B3GLCT: variants seen among roughly 807,000 people sequenced by gnomAD.
B3GLCT encodes the protein beta-1,3-glucosyltransferase.
B3GLCT carries 65 observed loss-of-function variants against 63.4 expected under a neutral mutation model. The ratio of observed to expected loss-of-function variants is 1.03; its 90% CI spans 0.84 to 1.26. The LOEUF is 1.26. Ranked by LOEUF, B3GLCT falls within the 50% of genes most tolerant of loss-of-function variation. The pLI, the probability that B3GLCT is intolerant of heterozygous loss-of-function variation, is 0.00. For missense variants in B3GLCT, 577 were observed against 604.8 expected, an observed-to-expected ratio of 0.95 and a Z score of 0.48; for synonymous variants, 233 against 219.2, an observed-to-expected ratio of 1.06 and a Z score of -0.55.
chr13:31,298,747 A>G (rs1281600505), intron 12 of B3GLCT, among the ~76,000 whole-genome samples: 1 of 152,188 alleles, frequency 6.6e-6, no homozygotes, highest in Admixed American at 6.5e-5. Flanking sequence ...GCCTACTCCC[A>G]TGCAGATAGG....
At chr13:31,206,359 A>C (rs763255989) in intron 1 of B3GLCT, among the ~76,000 whole-genome samples, 1 of 152,204 alleles carries the variant, frequency 6.6e-6, no homozygotes, top group Non-Finnish European at 1.5e-5. Context: ...CTGTGAAGCC[A>C]GGTGTGAGAA....
At chr13:31,282,237 A>G (rs979478430) in intron 10 of B3GLCT, among the ~76,000 whole-genome samples, 1 of 152,224 alleles carries the variant, frequency 6.6e-6, no homozygotes, top group Non-Finnish European at 1.5e-5. Context: ...AATGATGCTA[A>G]TAAAATAGAC....
At chr13:31,256,333 G>C (rs986479676) in intron 6 of B3GLCT, among the ~76,000 whole-genome samples, 4 of 152,216 alleles carry the variant, frequency 2.6e-5, no homozygotes, top group Non-Finnish European at 4.4e-5. Context: ...GTTGGTGGGA[G>C]TGTAAATTAG....
At chr13:31,268,776 A>G (rs980482910) in intron 7 of B3GLCT, among the ~76,000 whole-genome samples, 1 of 152,242 alleles carries the variant, frequency 6.6e-6, no homozygotes, top group Non-Finnish European at 1.5e-5. Flanking sequence ...GACTTGAAAT[A>G]AAACAAAACC....
chr13:31,213,683 G>T (rs1219635893), intron 1 of B3GLCT, among the ~76,000 whole-genome samples: 1 of 127,464 alleles, frequency 7.8e-6, no homozygotes, highest in Admixed American at 1.1e-4. Flanking sequence ...CTTATAATCA[G>T]CTGACATGTA....
chr13:31,203,604 CA>C (rs1868792957), intron 1 of B3GLCT, among the ~76,000 whole-genome samples: 1 of 152,190 alleles, frequency 6.6e-6, no homozygotes, highest in Admixed American at 6.5e-5. Flanking sequence ...AGCAAGCAAG[CA>C]TAATTTTTAG....
At chr13:31,312,545 A>G (rs1336158696) in intron 12 of B3GLCT, 1 of 152,248 alleles carries the variant, frequency 6.6e-6, no homozygotes, top group Non-Finnish European at 1.5e-5. Flanking sequence ...CAAATTTAGT[A>G]CAAGAAAGAG....
At chr13:31,275,754 G>C (rs766549324) in intron 9 of B3GLCT, among the ~76,000 whole-genome samples, 1 of 152,048 alleles carries the variant, frequency 6.6e-6, no homozygotes, top group Non-Finnish European at 1.5e-5. Flanking sequence ...ACACAAGTCT[G>C]TGTGTGCCAT....
chr13:31,219,746 A>G (rs1869729978), intron 2 of B3GLCT, among the ~76,000 whole-genome samples: 1 of 152,212 alleles, frequency 6.6e-6, no homozygotes, highest in Admixed American at 6.5e-5. Context: ...TTTACCTGAT[A>G]AGACAAGAAC....
chr13:31,244,096 C>G (rs768033007), intron 4 of B3GLCT, among the ~76,000 whole-genome samples: 2 of 152,200 alleles, frequency 1.3e-5, no homozygotes, highest in South Asian at 4.1e-4. Flanking sequence ...TGTCTTTATT[C>G]CAGACAGCTC....
At chr13:31,286,659 A>G in intron 11 of B3GLCT, 61 bp from the exon 12 acceptor site, 1 of 1,171,832 alleles carries the variant, frequency 8.5e-7, no homozygotes, top group Non-Finnish European at 1.2e-6. Context: ...AAAGAAATGA[A>G]CAAATTCTAT....
chr13:31,246,936 C>CTT (rs1871215109), intron 4 of B3GLCT, 87 bp from the exon 5 acceptor site: 2 of 978,620 alleles, frequency 2.0e-6, no homozygotes, highest in African/African-American at 1.9e-5. Flanking sequence ...TTTCTTTTTT[C>CTT]TTTTCTTTTC....
chr13:31,305,287 A>AC (rs1463321028), intron 12 of B3GLCT, among the ~76,000 whole-genome samples: 1 of 108,484 alleles, frequency 9.2e-6, no homozygotes, highest in African/African-American at 3.2e-5. Flanking sequence ...GCAAGAGCAA[A>AC]CACATTCAAA....
At chr13:31,293,945 C>T (rs897193145) in intron 12 of B3GLCT, among the ~76,000 whole-genome samples, 2 of 152,116 alleles carry the variant, frequency 1.3e-5, no homozygotes, top group East Asian at 1.9e-4. Flanking sequence ...TGGCTGGTAC[C>T]GCTTTTTCCT....
At chr13:31,329,399 A>T in intron 14 of B3GLCT, 102 bp from the exon 15 acceptor site, 1 of 1,275,602 alleles carries the variant, frequency 7.8e-7, no homozygotes. Flanking sequence ...AGCCAATGTT[A>T]GGTAGTGAAG....
At chr13:31,209,369 C>A (rs1444020923) in intron 1 of B3GLCT, among the ~76,000 whole-genome samples, 2 of 152,154 alleles carry the variant, frequency 1.3e-5, no homozygotes, top group African/African-American at 4.8e-5. Context: ...AGCTTAAGGC[C>A]CCCTGGAGGA....
At chr13:31,264,808 A>G (rs749093583) in intron 7 of B3GLCT, among the ~76,000 whole-genome samples, 3 of 152,180 alleles carry the variant, frequency 2.0e-5, no homozygotes, top group Admixed American at 6.5e-5. Flanking sequence ...ATTTCTTCCT[A>G]TTATTATTAG....
chr13:31,203,509 G>A (rs1868787371), intron 1 of B3GLCT, among the ~76,000 whole-genome samples: 1 of 152,164 alleles, frequency 6.6e-6, no homozygotes. Flanking sequence ...AAACATTGTG[G>A]GCTCGGTATT....
At position 31,200,155 on chromosome 13, in the gene B3GLCT, G is replaced by A; in HGVS notation, c.70+1G>A. 7.5e-7 allele frequency: 1 copy of A among 1,334,324 alleles called. No individual in the cohort carries two copies. Among genetic ancestry groups the A allele is most frequent in the Admixed American group, 2.9e-5 (1 of 34,706 alleles). 82.7% of individuals were successfully genotyped at this position (1,334,324 alleles called of 1,614,324 possible). ...CTCGCGCTCCTCACCTGCTCCCTGG[G>A]TAAGTAGCGGGCGGCCAGGCGCGCA... is the stretch of plus-strand genomic sequence containing the variant. On this transcript the variant is annotated splice_donor_variant, in intron 1 of 14. Coordinates refer to ENST00000343307, the MANE Select transcript of B3GLCT (RefSeq NM_194318.4). LOFTEE classifies it high-confidence loss of function.
Sources: gnomAD v4.1 joint callset for allele counts (sites outside exome capture counted in the v4.1 genomes callset) on GRCh38, gnomAD v4.1.1 for gene constraint, MANE v1.5 for transcripts, NCBI Gene and HGNC (gene_info 2026-07-23, HGNC 2026-07-21) for gene names.